The following RANBP17 variants were observed in gnomAD, a reference collection of about 807,000 sequenced individuals.
RANBP17 encodes the protein RAN binding protein 17, also known as ran-binding protein 17.
A neutral mutation model predicts 141.2 loss-of-function variants in RANBP17; 158 were observed. The ratio of observed to expected loss-of-function variants is 1.12; its 90% CI spans 0.98 to 1.28. RANBP17 has a LOEUF of 1.28. Among genes scored for constraint, RANBP17 ranks in the 50% most tolerant of loss-of-function variants. The pLI, the probability that RANBP17 is intolerant of heterozygous loss-of-function variation, is 0.00. For synonymous variants in RANBP17, 430 were observed against 450.0 expected (o/e 0.96, Z 0.56); for missense variants, 1,438 against 1,290.7 (o/e 1.11, Z -1.75).
chr5:171,285,384 T>C (rs1185419771), intron 25 of RANBP17, among the ~76,000 whole-genome samples: 1 of 152,206 alleles, frequency 6.6e-6, no homozygotes, highest in East Asian at 1.9e-4. Flanking sequence ...GAACCAAAAA[T>C]AAGTGTCACT....
At chr5:171,182,766 C>T (rs889846592) in intron 16 of RANBP17, among the ~76,000 whole-genome samples, 1 of 135,428 alleles carries the variant, frequency 7.4e-6, no homozygotes, top group African/African-American at 2.8e-5. Flanking sequence ...GAATAATTTT[C>T]TCTTTTTTGA....
At chr5:170,915,126 AG>A (rs370841330) in intron 8 of RANBP17, among the ~76,000 whole-genome samples, 4 of 152,248 alleles carry the variant, frequency 2.6e-5, no homozygotes, top group African/African-American at 9.6e-5. Flanking sequence ...TAGTCGCAAC[AG>A]TCTTGCTTTT....
At chr5:171,097,247 C>T (rs1242883171) in intron 14 of RANBP17, among the ~76,000 whole-genome samples, 1 of 151,972 alleles carries the variant, frequency 6.6e-6, no homozygotes, top group Non-Finnish European at 1.5e-5. Flanking sequence ...AATACCATAT[C>T]CCTATAATTT....
chr5:171,184,360 G>GAACC (rs1694640004), intron 18 of RANBP17, among the ~76,000 whole-genome samples: 1 of 152,174 alleles, frequency 6.6e-6, no homozygotes, highest in African/African-American at 2.4e-5. Flanking sequence ...AGGGTACTAT[G>GAACC]TTAAGTGAAA....
At chr5:171,103,586 A>G (rs1787336880) in intron 14 of RANBP17, among the ~76,000 whole-genome samples, 1 of 152,000 alleles carries the variant, frequency 6.6e-6, no homozygotes. Flanking sequence ...CTCTCACTTC[A>G]GCCCCCTTTC....
chr5:171,235,472 G>A (rs1411372021), intron 22 of RANBP17, among the ~76,000 whole-genome samples: 1 of 152,104 alleles, frequency 6.6e-6, no homozygotes, highest in Non-Finnish European at 1.5e-5. Context: ...AGAGAGAGGA[G>A]ATGGGAACTA....
In RANBP17 at chr5:170,919,497, G is replaced by T. The variant is rs1325118861; in HGVS notation, c.1158G>T (p.Met386Ile). 2 of 1,610,690 alleles carry T rather than the reference G, an allele frequency of 1.2e-6. No homozygotes were observed. Among genetic ancestry groups the T allele is most frequent in the South Asian group, 2.2e-5 (2 of 90,542 alleles). The change falls in exon 11 of 28, where the codon ATG (methionine) becomes ATT (isoleucine). Residue 386 changes from methionine to isoleucine, a missense_variant. Coordinates refer to ENST00000523189, the MANE Select transcript of RANBP17 (RefSeq NM_022897.5). ...VHYLLTLWQRMVASVPFVKST... is the reference protein window; with the variant it reads ...VHYLLTLWQRIVASVPFVKST... ...ATTTATTAACTCTGTGGCAAAGGATGGTAGCATCTGTTCCTTTTGTGAAAT... is the reference window on the plus strand; with the variant it reads ...ATTTATTAACTCTGTGGCAAAGGATTGTAGCATCTGTTCCTTTTGTGAAAT...
At chr5:171,227,361 A>G (rs1177259173) in intron 22 of RANBP17, among the ~76,000 whole-genome samples, 1 of 152,248 alleles carries the variant, frequency 6.6e-6, no homozygotes, top group East Asian at 1.9e-4. Flanking sequence ...AGATCAAACC[A>G]GTCATAATAT....
intron 14 of RANBP17, among the ~76,000 whole-genome samples, chr5:171,108,800 T>A (rs1482263396): frequency 2.0e-5 from 3 of 152,204 alleles, no homozygotes; most frequent in African/African-American, 7.2e-5. Flanking sequence ...TTTGCTTTTT[T>A]GGAAAAACTT....
intron 27 of RANBP17, among the ~76,000 whole-genome samples, chr5:171,297,448 A>G (rs973353027): frequency 6.6e-6 from 1 of 152,232 alleles, no homozygotes; most frequent in Non-Finnish European, 1.5e-5. Flanking sequence ...ATGCTGCTCC[A>G]TTTGAAATGC....
Position 171,186,901 on chromosome 5 carries a change from C to T in RANBP17, c.2038+3471C>T, listed in dbSNP as rs543689577. On this transcript the variant is annotated intron_variant, in intron 18 of 27. Transcript: ENST00000523189. ...GTTTTTGCTGGCATTTTAATTTAAT[C>T]GCTTTAATTTTCTTCAATAATTTTT... 5.3e-5 allele frequency among the ~76,000 whole-genome samples: 8 copies of T among 151,970 alleles called. No individual in the cohort carries two copies. The East Asian group carries it at 9.7e-4, about 18-fold the overall frequency.
At chr5:170,973,133 A>T (rs1466912260) in intron 14 of RANBP17, among the ~76,000 whole-genome samples, 1 of 152,190 alleles carries the variant, frequency 6.6e-6, no homozygotes, top group African/African-American at 2.4e-5. Context: ...AGTGAATAGG[A>T]TCATCCATCT....
intron 14 of RANBP17, among the ~76,000 whole-genome samples, chr5:171,118,047 A>G (rs1203400536): frequency 1.3e-5 from 2 of 151,710 alleles, no homozygotes; most frequent in African/African-American, 4.8e-5. Context: ...GTTGCCTGTG[A>G]TTTTGAGGTC....
chr5:171,186,782 C>T (rs1490729889), intron 18 of RANBP17, among the ~76,000 whole-genome samples: 5 of 151,644 alleles, frequency 3.3e-5, no homozygotes, highest in East Asian at 1.9e-4. Flanking sequence ...GTGATCCGCC[C>T]GCCTCGGCCT....
intron 3 of RANBP17, among the ~76,000 whole-genome samples, chr5:170,887,654 T>C (rs905512398): frequency 1.3e-5 from 2 of 152,238 alleles, no homozygotes; most frequent in African/African-American, 4.8e-5. Context: ...TTTTATTCTG[T>C]TCTGTTGATT....
rs147851838 is a variant in RANBP17, at chr5:171,172,769, C to A, written c.1865+1483C>A. Among the ~76,000 whole-genome samples, 21 of 151,612 alleles carry A rather than the reference C, an allele frequency of 1.4e-4. 1 individual carries two copies. Among genetic ancestry groups the A allele is most frequent in the African/African-American group, 4.8e-4 (20 of 41,458 alleles). On this transcript the variant is annotated intron_variant, in intron 16 of 27. Transcript: ENST00000523189. ...GTATAAAATTAATTTGATTTGTATT[C>A]TTTTAGTATAATTTGCATAATGCCT...
intron 13 of RANBP17, among the ~76,000 whole-genome samples, chr5:170,966,533 G>A (rs1049418181): frequency 1.3e-4 from 20 of 152,132 alleles, no homozygotes; most frequent in East Asian, 3.8e-4. Context: ...AGGTATTGAT[G>A]GGACGTATCT....
rs185855315 is a variant in RANBP17 at position 171,054,072 on chromosome 5, T to C, written c.1710+85695T>C. On this transcript the variant is annotated intron_variant, in intron 14 of 27. Transcript: ENST00000523189. Reference sequence around the variant, plus strand: ...TATTTGAATAGCCATTCTAGCTATCTTTTAGTTACTGTTTGCATAGAATAT... The same window carrying C: ...TATTTGAATAGCCATTCTAGCTATCCTTTAGTTACTGTTTGCATAGAATAT... 1.3e-4 allele frequency among the ~76,000 whole-genome samples: 20 copies of C among 151,980 alleles called. No homozygotes were observed. In the East Asian group the frequency reaches 2.3e-3, roughly 18 times the overall value.
At chr5:171,245,734 A>G (rs1197323975) in intron 24 of RANBP17, among the ~76,000 whole-genome samples, 4 of 152,152 alleles carry the variant, frequency 2.6e-5, no homozygotes, top group Non-Finnish European at 5.9e-5. Flanking sequence ...CCCCACCACT[A>G]AAGTGTTAAC....
Sources: gnomAD v4.1 joint callset for allele counts (sites outside exome capture counted in the v4.1 genomes callset) on GRCh38, gnomAD v4.1.1 for gene constraint, MANE v1.5 for transcripts, NCBI Gene and HGNC (gene_info 2026-07-23, HGNC 2026-07-21) for gene names.